ZNF761: variants seen among roughly 807,000 people sequenced by gnomAD.
ZNF761 encodes zinc finger protein 761.
A neutral mutation model predicts 59.9 loss-of-function variants in ZNF761; 43 were observed. That is an observed-to-expected ratio of 0.72 (90% CI 0.56 to 0.92). ZNF761 has a LOEUF of 0.92. Ranked by LOEUF, ZNF761 falls within the 40% of genes least tolerant of loss-of-function variation. The pLI, the probability that ZNF761 is intolerant of heterozygous loss-of-function variation, is 0.00. For missense variants in ZNF761, 850 were observed against 906.1 expected (o/e 0.94, Z 0.79); for synonymous variants, 294 against 304.8 (o/e 0.96, Z 0.37).
intron 4 of ZNF761, among the ~76,000 whole-genome samples, chr19:53,452,374 T>G (rs1255796373): frequency 6.6e-6 from 1 of 152,058 alleles, no homozygotes; most frequent in Non-Finnish European, 1.5e-5. Flanking sequence ...TCCCAAGTAC[T>G]CACTAGGCTG....
chr19:53,455,116 A>G lies in ZNF761; in HGVS notation c.609A>G (p.Thr203=). Residue 203 remains threonine (T), a synonymous_variant, in exon 5 of 5, where the codon ACA becomes ACG. Coordinates refer to ENST00000684525, the MANE Select transcript of ZNF761 (RefSeq NM_001289951.2). ...GNNFWNSSLL[T]QKQEVHMREK... ...ATTTCTGGAATTCTTCATTACTCAC[A>G]CAAAAACAGGAAGTACACATGAGAG... 6.2e-7 allele frequency: 1 copy of G among 1,614,200 alleles called. No individual in the cohort carries two copies.
At chr19:53,446,631 C>G (rs1474122488) in intron 2 of ZNF761, among the ~76,000 whole-genome samples, 1 of 152,210 alleles carries the variant, frequency 6.6e-6, no homozygotes, top group South Asian at 2.1e-4. Context: ...CCTCAGCCTT[C>G]CAGAGTGCTG....
At position 53,455,792 on chromosome 19, in the gene ZNF761, C is replaced by T. The variant is rs748469349; in HGVS notation, c.1285C>T (p.Arg429Trp). The T allele has an allele frequency of 3.8e-5, 62 of 1,612,664 alleles. No individual in the cohort carries two copies. Among genetic ancestry groups the T allele is most frequent in the Middle Eastern group, 3.3e-4 (2 of 6,080 alleles). The change falls in exon 5 of 5, where the codon CGG (arginine) becomes TGG (tryptophan). Residue 429 changes from arginine to tryptophan, a missense_variant. Coordinates refer to ENST00000684525, the MANE Select transcript of ZNF761 (RefSeq NM_001289951.2). ...YSFRSNFEIHRKIHTEDNAYK... is the reference protein window; with the variant it reads ...YSFRSNFEIHWKIHTEDNAYK... ...TTTCAGATCAAATTTTGAAATACAT[C>T]GGAAAATTCATACTGAAGACAATGC...
chr19:53,448,577 TATA>T (rs1306658981), intron 3 of ZNF761, among the ~76,000 whole-genome samples: 1 of 152,128 alleles, frequency 6.6e-6, no homozygotes, highest in Admixed American at 6.5e-5. Context: ...ATCGATGAGA[TATA>T]ATGGATTTCC....
intron 1 of ZNF761, among the ~76,000 whole-genome samples, chr19:53,440,843 T>C (rs1305242645): frequency 6.6e-6 from 1 of 151,932 alleles, no homozygotes; most frequent in African/African-American, 2.4e-5. Flanking sequence ...GTCAGGCAAG[T>C]TTTGTACATT....
At chr19:53,445,954 T>G (rs1168850047) in intron 1 of ZNF761, among the ~76,000 whole-genome samples, 7 of 152,192 alleles carry the variant, frequency 4.6e-5, no homozygotes, top group Non-Finnish European at 1.0e-4. Flanking sequence ...CCTCATCTCA[T>G]GACTCCCTCT....
rs904274456 is a variant in ZNF761, at chr19:53,457,856, G to A, written c.*1108G>A. ...TTTGTTTCTTTAAAAAAACTGATAG[G>A]GATTTTTATGGATATCATGTTGAAT... On this transcript the variant is annotated 3_prime_UTR_variant, in exon 5 of 5. Coordinates refer to ENST00000684525, the MANE Select transcript of ZNF761 (RefSeq NM_001289951.2). 1.3e-5 allele frequency: 2 copies of A among 153,062 alleles called. No individual in the cohort carries two copies. Among genetic ancestry groups the A allele is most frequent in the African/African-American group, 2.4e-5 (1 of 41,332 alleles). 9.5% of individuals were successfully genotyped at this position (153,062 alleles called of 1,614,324 possible). A position where few individuals can be genotyped will look rare whatever the true frequency, so the allele number is the denominator to read the frequency against.
At chr19:53,451,944 AT>A (rs1311215881) in intron 4 of ZNF761, among the ~76,000 whole-genome samples, 1 of 151,972 alleles carries the variant, frequency 6.6e-6, no homozygotes, top group Non-Finnish European at 1.5e-5. Flanking sequence ...TATTGTTAAG[AT>A]TTATAGTACA....
chr19:53,435,373 C>T lies in ZNF761; in HGVS notation c.-185+3345C>T, dbSNP rs149428947. Among the ~76,000 whole-genome samples, 16 of 138,044 alleles carry T rather than the reference C, an allele frequency of 1.2e-4. No individual in the cohort carries two copies. The East Asian group carries it at 1.8e-3, about 15-fold the overall frequency. 90.6% of individuals were successfully genotyped at this position (138,044 alleles called of 152,430 possible). A position where few individuals can be genotyped will look rare whatever the true frequency, so the allele number is the denominator to read the frequency against. On this transcript the variant is annotated intron_variant, in intron 1 of 4. Transcript: ENST00000684525. Reference sequence around the variant, plus strand: ...AGTCTGGAGTGCAATGGCATGACCACGGCTCACCACAACCTCCACCTCCTG... The same window carrying T: ...AGTCTGGAGTGCAATGGCATGACCATGGCTCACCACAACCTCCACCTCCTG...
At position 53,457,272 on chromosome 19, in the gene ZNF761, C is replaced by T. The variant is rs1372838890; in HGVS notation, c.*524C>T. The T allele has an allele frequency of 9.4e-6, 4 of 424,064 alleles. No homozygotes were observed. The East Asian group carries it at 2.4e-4, about 25-fold the overall frequency. The allele number at this position is 424,064 out of a possible 1,614,324, so 26.3% of individuals were successfully genotyped here. On this transcript the variant is annotated 3_prime_UTR_variant, in exon 5 of 5. Transcript: ENST00000684525. Reference sequence around the variant, plus strand: ...TAATAAATGTGGCAGATTTTTCAGACATTGTTCATACCTTGCAGTTCATCG... The same window carrying T: ...TAATAAATGTGGCAGATTTTTCAGATATTGTTCATACCTTGCAGTTCATCG...
Position 53,447,181 on chromosome 19 carries a change from A to T in ZNF761, c.-73-15A>T. ...GTTGATTCTGAGCAATAAACAACAT[A>T]TTTCTAACATTCAGGATTGACTTCT... On this transcript the variant is annotated splice_polypyrimidine_tract_variant and intron_variant, in intron 2 of 4. Coordinates refer to ENST00000684525, the MANE Select transcript of ZNF761 (RefSeq NM_001289951.2). The T allele has an allele frequency of 1.3e-6, 2 of 1,535,282 alleles. No homozygotes were observed. Among genetic ancestry groups the T allele is most frequent in the East Asian group, 4.5e-5 (2 of 44,376 alleles).
In ZNF761 at chr19:53,456,909, A is replaced by G. The variant is rs2086277703; in HGVS notation, c.*161A>G. 20 of 860,044 alleles carry G rather than the reference A, an allele frequency of 2.3e-5. No homozygotes were observed. In the South Asian group the frequency reaches 3.0e-4, roughly 13 times the overall value. 53.3% of individuals were successfully genotyped at this position (860,044 alleles called of 1,614,324 possible). Reference sequence around the variant, plus strand: ...TTCATACTGGAGAGAAAGCTTATAAATGTGAAGAATGTCACAAAGTTTACA... The same window carrying G: ...TTCATACTGGAGAGAAAGCTTATAAGTGTGAAGAATGTCACAAAGTTTACA... On this transcript the variant is annotated 3_prime_UTR_variant, in exon 5 of 5. Coordinates refer to ENST00000684525, the MANE Select transcript of ZNF761 (RefSeq NM_001289951.2).
intron 1 of ZNF761, chr19:53,441,805 T>C (rs1482323954): frequency 1.7e-6 from 2 of 1,192,546 alleles, no homozygotes; most frequent in Admixed American, 1.8e-5. Flanking sequence ...GAGAGGAGTC[T>C]GCAATGCCGA....
chr19:53,441,581 G>A (rs1306544706), intron 1 of ZNF761, among the ~76,000 whole-genome samples: 2 of 151,496 alleles, frequency 1.3e-5, no homozygotes, highest in Non-Finnish European at 2.9e-5. Flanking sequence ...TGAGTATGTG[G>A]GACTACAGTC....
In ZNF761 at chr19:53,442,193, A is replaced by C. The variant is rs561974781; in HGVS notation, c.-184-4034A>C. On this transcript the variant is annotated intron_variant, in intron 1 of 4. Coordinates refer to ENST00000684525, the MANE Select transcript of ZNF761 (RefSeq NM_001289951.2). ...AGAAGATGGAACTCCAGGAAATCCA[A>C]CTCAAAGAAGCTAAGCACATTGCAG... 1.5e-4 allele frequency: 169 copies of C among 1,107,972 alleles called. 1 individual carries two copies. The highest frequency in any genetic ancestry group is 4.9e-4 in the Admixed American group (29 of 59,018). 68.6% of individuals were successfully genotyped at this position (1,107,972 alleles called of 1,614,324 possible). A position where few individuals can be genotyped will look rare whatever the true frequency, so the allele number is the denominator to read the frequency against.
chr19:53,432,290 T>C (rs56351628), intron 1 of ZNF761, among the ~76,000 whole-genome samples: 15,275 of 152,154 alleles, frequency 0.1, 839 homozygotes, highest in South Asian at 0.17. Flanking sequence ...TAAACCTTTT[T>C]CTGACTCCTC....
intron 1 of ZNF761, among the ~76,000 whole-genome samples, chr19:53,437,277 C>G (rs1452846956): frequency 1.3e-5 from 2 of 151,404 alleles, no homozygotes; most frequent in African/African-American, 2.4e-5. Flanking sequence ...AAGATCGCAC[C>G]ACTGCACTCC....
intron 1 of ZNF761, chr19:53,442,914 C>G (rs2147128768): frequency 8.0e-6 from 3 of 376,848 alleles, no homozygotes; most frequent in South Asian, 6.4e-5. Context: ...TGAAAGATGC[C>G]TTTGTCACAT....
At chr19:53,447,476 G>A (rs1001183829) in intron 3 of ZNF761, among the ~76,000 whole-genome samples, 193 bp downstream of exon 3, 18 of 152,176 alleles carry the variant, frequency 1.2e-4, no homozygotes, top group African/African-American at 3.9e-4. Flanking sequence ...AACTTGGGAA[G>A]AGGCTGCACT....
Sources: allele counts gnomAD v4.1 joint callset (sites outside exome capture counted in the v4.1 genomes callset), GRCh38; gene constraint gnomAD v4.1.1; transcripts MANE v1.5; gene names NCBI Gene and HGNC (gene_info 2026-07-23, HGNC 2026-07-21).